The following PDE8B variants were observed in gnomAD, a reference collection of about 807,000 sequenced individuals.
PDE8B encodes the protein high affinity cAMP-specific and IBMX-insensitive 3',5'-cyclic phosphodiesterase 8B.
A neutral mutation model predicts 101.3 loss-of-function variants in PDE8B; 26 were observed. The ratio of observed to expected loss-of-function variants is 0.26; its 90% CI spans 0.19 to 0.36. The LOEUF is 0.36. PDE8B is among the 10% of genes least tolerant of loss of function. The pLI, the probability that PDE8B is intolerant of heterozygous loss-of-function variation, is 1.00. For synonymous variants in PDE8B, 424 were observed against 429.3 expected (o/e 0.99, Z 0.15); for missense variants, 810 against 1,163.1 (o/e 0.70, Z 4.42).
intron 1 of PDE8B, among the ~76,000 whole-genome samples, chr5:77,225,895 C>T (rs571800523): frequency 6.6e-6 from 1 of 150,470 alleles, no homozygotes; most frequent in South Asian, 2.1e-4. Flanking sequence ...ACGCACACAT[C>T]TCAGAATACC....
At chr5:77,203,140 A>G in the PDE8B span, among the ~76,000 whole-genome samples, 2 of 152,044 alleles carry the variant, frequency 1.3e-5, no homozygotes, top group Admixed American at 6.5e-5. Context: ...CCATACCACA[A>G]ACCTTTTTGA....
chr5:77,173,162 G>A, the PDE8B span, among the ~76,000 whole-genome samples: 1,307 of 152,308 alleles, frequency 8.6e-3, 12 homozygotes, highest in African/African-American at 0.028. Context: ...TGTCTGGGTT[G>A]GAAGGAGGAG....
chr5:77,179,040 A>G, the PDE8B span, among the ~76,000 whole-genome samples: 4 of 152,174 alleles, frequency 2.6e-5, no homozygotes, highest in Non-Finnish European at 5.9e-5. Flanking sequence ...AGTTCCATCC[A>G]CACTCAAGGG....
At chr5:77,169,826 T>C in the PDE8B span, among the ~76,000 whole-genome samples, 5 of 152,264 alleles carry the variant, frequency 3.3e-5, no homozygotes, top group East Asian at 7.7e-4. Flanking sequence ...CTTGGGATAA[T>C]CAAACTGTGC....
At chr5:77,249,706 C>T (rs1003628804) in intron 1 of PDE8B, among the ~76,000 whole-genome samples, 3 of 152,322 alleles carry the variant, frequency 2.0e-5, no homozygotes, top group African/African-American at 4.8e-5. Context: ...AAGGTGTTAG[C>T]GGCATCCTGC....
At chr5:77,341,231 T>TAAAC (rs1360217234) in intron 6 of PDE8B, among the ~76,000 whole-genome samples, 1 of 152,172 alleles carries the variant, frequency 6.6e-6, no homozygotes, top group East Asian at 1.9e-4. Flanking sequence ...AGAGCCTGAA[T>TAAAC]AAACGTTGTG....
the PDE8B span, among the ~76,000 whole-genome samples, chr5:77,133,514 A>G: frequency 2.6e-5 from 4 of 152,272 alleles, no homozygotes; most frequent in Non-Finnish European, 5.9e-5. Context: ...GTAGTGAGGT[A>G]TAGGCACAAG....
chr5:77,132,396 T>C, the PDE8B span, among the ~76,000 whole-genome samples: 1 of 152,238 alleles, frequency 6.6e-6, no homozygotes, highest in East Asian at 1.9e-4. Context: ...TCCCATTCTC[T>C]CAATATAGTT....
chr5:77,173,569 A>AAT, the PDE8B span, among the ~76,000 whole-genome samples: 2 of 152,206 alleles, frequency 1.3e-5, no homozygotes, highest in East Asian at 3.8e-4. Flanking sequence ...GAAGATAAAG[A>AAT]ATAGCAAGTG....
chr5:77,158,754 GTCTT>G, the PDE8B span, among the ~76,000 whole-genome samples: 1 of 152,160 alleles, frequency 6.6e-6, no homozygotes, highest in Admixed American at 6.5e-5. Flanking sequence ...CCTGTCCTCA[GTCTT>G]TCTTCTCACA....
At chr5:77,167,559 G>C in the PDE8B span, among the ~76,000 whole-genome samples, 1 of 152,210 alleles carries the variant, frequency 6.6e-6, no homozygotes, top group Non-Finnish European at 1.5e-5. Flanking sequence ...GTGCAGTGGA[G>C]TCCTTCCACA....
rs1055442471 is a variant in PDE8B, at chr5:77,427,759, G to A, written c.*1205G>A. ...CTGTGATCTACATAAAGTCAGACTC[G>A]AGATTTTCCTTTCTCTTTTACCAGC... is the stretch of plus-strand genomic sequence containing the variant. On this transcript the variant is annotated 3_prime_UTR_variant, in exon 22 of 22. Coordinates refer to ENST00000264917, the MANE Select transcript of PDE8B (RefSeq NM_003719.5). The A allele has an allele frequency of 5.9e-5, 9 of 152,066 alleles. No homozygotes were observed. The highest frequency in any genetic ancestry group is 2.6e-4 in the Admixed American group (4 of 15,254). The allele number at this position is 152,066 out of a possible 1,614,324, so 9.4% of individuals were successfully genotyped here. A position where few individuals can be genotyped will look rare whatever the true frequency, so the allele number is the denominator to read the frequency against.
chr5:77,181,675 T>G, the PDE8B span, among the ~76,000 whole-genome samples: 1 of 152,160 alleles, frequency 6.6e-6, no homozygotes, highest in Non-Finnish European at 1.5e-5. Context: ...GAGTGGTGGT[T>G]ATTTGCCCAG....
intron 1 of PDE8B, among the ~76,000 whole-genome samples, chr5:77,242,249 C>G (rs1755914912): frequency 6.6e-6 from 1 of 152,176 alleles, no homozygotes; most frequent in African/African-American, 2.4e-5. Context: ...CAGCCTGTAT[C>G]CAGTGCTCTC....
chr5:77,357,428 C>G (rs1483611188), intron 10 of PDE8B, among the ~76,000 whole-genome samples: 1 of 152,304 alleles, frequency 6.6e-6, no homozygotes, highest in African/African-American at 2.4e-5. Context: ...AAATGACCTC[C>G]TGCCCTTTTG....
the PDE8B span, among the ~76,000 whole-genome samples, chr5:77,101,554 G>A: frequency 6.6e-6 from 1 of 152,178 alleles, no homozygotes; most frequent in African/African-American, 2.4e-5. Flanking sequence ...ATTGCACTAT[G>A]TTAGAAGGAT....
chr5:77,326,989 C>T (rs994917491), intron 3 of PDE8B, among the ~76,000 whole-genome samples: 2 of 152,124 alleles, frequency 1.3e-5, no homozygotes, highest in African/African-American at 4.8e-5. Context: ...GTTTTATTTC[C>T]TACCAAATAT....
At chr5:77,205,147 C>T in the PDE8B span, among the ~76,000 whole-genome samples, 1 of 152,136 alleles carries the variant, frequency 6.6e-6, no homozygotes, top group South Asian at 2.1e-4. Context: ...ACCCAGCACT[C>T]GGTGGCCTCC....
intron 1 of PDE8B, among the ~76,000 whole-genome samples, chr5:77,242,958 G>A (rs537677483): frequency 2.0e-4 from 30 of 152,180 alleles, no homozygotes; most frequent in African/African-American, 5.8e-4. Context: ...GAGCCACTGC[G>A]CCCGGCCAAA....
Sources: gnomAD v4.1 joint callset for allele counts (sites outside exome capture counted in the v4.1 genomes callset) on GRCh38, gnomAD v4.1.1 for gene constraint, MANE v1.5 for transcripts, NCBI Gene and HGNC (gene_info 2026-07-23, HGNC 2026-07-21) for gene names.